AFG1L: variants seen among roughly 807,000 people sequenced by gnomAD.
AFG1L encodes AFG1 like ATPase, also known as AFG1-like ATPase.
In AFG1L, 53 loss-of-function variants were observed where a neutral mutation model predicts 62.2. The ratio of observed to expected loss-of-function variants is 0.85; its 90% CI spans 0.68 to 1.07. The LOEUF (loss-of-function observed/expected upper bound fraction) is 1.07, where lower values mean the gene tolerates loss of function less well. Among genes scored for constraint, AFG1L ranks in the 50% least tolerant of loss-of-function variants. The pLI, the probability that AFG1L is intolerant of heterozygous loss-of-function variation, is 0.00. For missense variants in AFG1L, 555 were observed against 590.5 expected (o/e 0.94, Z 0.62); for synonymous variants, 228 against 210.3 (o/e 1.08, Z -0.73).
At chr6:108,456,311 T>G (rs1258923670) in intron 8 of AFG1L, among the ~76,000 whole-genome samples, 1 of 152,130 alleles carries the variant, frequency 6.6e-6, no homozygotes, top group East Asian at 1.9e-4. Context: ...AGCCTATCTG[T>G]GTCTTTATAT....
At chr6:108,393,320 T>C (rs1028081599) in intron 6 of AFG1L, among the ~76,000 whole-genome samples, 3 of 152,116 alleles carry the variant, frequency 2.0e-5, no homozygotes, top group African/African-American at 7.2e-5. Flanking sequence ...AGCACGATAT[T>C]TGAATTACAA....
At chr6:108,471,464 T>C (rs1272011596) in intron 8 of AFG1L, among the ~76,000 whole-genome samples, 1 of 116,722 alleles carries the variant, frequency 8.6e-6, no homozygotes, top group East Asian at 2.6e-4. Context: ...ATCGTGTTCT[T>C]CTTCTTTTTT....
At chr6:108,374,724 G>A (rs1205534696) in intron 6 of AFG1L, among the ~76,000 whole-genome samples, 1 of 152,016 alleles carries the variant, frequency 6.6e-6, no homozygotes. Flanking sequence ...TGCTATTTTG[G>A]TTACCATAGC....
chr6:108,299,282 T>A lies in AFG1L; in HGVS notation c.139+4064T>A, dbSNP rs941224700. Among the ~76,000 whole-genome samples, 13 of 146,438 alleles carry A rather than the reference T, an allele frequency of 8.9e-5. No individual in the cohort carries two copies. In the South Asian group the frequency reaches 1.1e-3, roughly 12 times the overall value. On this transcript the variant is annotated intron_variant, in intron 1 of 12. Coordinates refer to ENST00000368977, the MANE Select transcript of AFG1L (RefSeq NM_145315.5). ...TCTCAAAAAAGAAAAAAAAAAAAAA[T>A]AAATTAACATACTTGGACATACTTG... is the stretch of plus-strand genomic sequence containing the variant.
In AFG1L at chr6:108,313,679, A is replaced by G. The variant is rs567300651; in HGVS notation, c.140-10146A>G. Among the ~76,000 whole-genome samples the G allele has an allele frequency of 5.7e-4, 86 of 152,186 alleles. 1 individual carries two copies. Among genetic ancestry groups the G allele is most frequent in the African/African-American group, 2.0e-3 (83 of 41,544 alleles). On this transcript the variant is annotated intron_variant, in intron 1 of 12. Transcript: ENST00000368977. ...TCTCAGTCTCCTGTGTAGCTGGTAC[A>G]AAGGTGTGCACCACCACACCTGGCT...
chr6:108,395,619 C>G (rs1463569550), intron 6 of AFG1L, among the ~76,000 whole-genome samples: 1 of 151,906 alleles, frequency 6.6e-6, no homozygotes, highest in Non-Finnish European at 1.5e-5. Flanking sequence ...CCAGGCTGGT[C>G]TCAAACTCCT....
At chr6:108,481,026 T>G (rs1401119028) in intron 10 of AFG1L, among the ~76,000 whole-genome samples, 1 of 152,188 alleles carries the variant, frequency 6.6e-6, no homozygotes, top group Non-Finnish European at 1.5e-5. Flanking sequence ...GCCCCTCTGC[T>G]CTTCTGAAGG....
intron 10 of AFG1L, among the ~76,000 whole-genome samples, chr6:108,488,367 A>C (rs776265781): frequency 6.6e-6 from 1 of 152,240 alleles, no homozygotes; most frequent in African/African-American, 2.4e-5. Context: ...CTACAGGATC[A>C]GTATGACCAG....
At chr6:108,379,363 C>T (rs1028707902) in intron 6 of AFG1L, among the ~76,000 whole-genome samples, 2 of 152,150 alleles carry the variant, frequency 1.3e-5, no homozygotes, top group African/African-American at 4.8e-5. Flanking sequence ...GTTTGTCTTA[C>T]AAGCCTGTAG....
At chr6:108,477,048 G>A in intron 9 of AFG1L, 113 bp downstream of exon 9, 1 of 1,060,108 alleles carries the variant, frequency 9.4e-7, no homozygotes, top group Non-Finnish European at 1.4e-6. Context: ...ACGCTCAAGT[G>A]GCAGTCATTG....
chr6:108,422,601 G>A (rs1327069471), intron 7 of AFG1L, among the ~76,000 whole-genome samples: 1 of 151,044 alleles, frequency 6.6e-6, no homozygotes, highest in African/African-American at 2.4e-5. Flanking sequence ...TATCAGAATA[G>A]CATCTCTAAG....
intron 11 of AFG1L, among the ~76,000 whole-genome samples, chr6:108,511,933 C>T (rs996357141): frequency 6.6e-5 from 10 of 152,144 alleles, no homozygotes; most frequent in African/African-American, 1.4e-4. Context: ...CCACAGAACT[C>T]GATGTAAAAT....
At chr6:108,353,877 G>T (rs1779171286) in intron 3 of AFG1L, among the ~76,000 whole-genome samples, 1 of 152,186 alleles carries the variant, frequency 6.6e-6, no homozygotes, top group Non-Finnish European at 1.5e-5. Context: ...TTGGTGGATT[G>T]TTTTTTCATA....
chr6:108,356,859 T>G (rs770191450), intron 5 of AFG1L, 39 bp downstream of exon 5: 1 of 1,530,480 alleles, frequency 6.5e-7, no homozygotes, highest in South Asian at 1.2e-5. Flanking sequence ...AATGGTATAT[T>G]GAATGAGGTA....
chr6:108,469,577 G>C (rs549728686), intron 8 of AFG1L, among the ~76,000 whole-genome samples: 1 of 152,162 alleles, frequency 6.6e-6, no homozygotes, highest in South Asian at 2.1e-4. Context: ...GGTGCAACAG[G>C]CAGGTCAGCA....
At chr6:108,492,537 G>C (rs1773816485) in intron 10 of AFG1L, among the ~76,000 whole-genome samples, 1 of 152,176 alleles carries the variant, frequency 6.6e-6, no homozygotes, top group Admixed American at 6.5e-5. Flanking sequence ...ATGTTCTGTA[G>C]TCTGGACAAT....
At position 108,523,324 on chromosome 6, in the gene AFG1L, C is replaced by T. The variant is rs370605043; in HGVS notation, c.*899C>T. The T allele has an allele frequency of 2.0e-5, 3 of 152,380 alleles. No individual in the cohort carries two copies. The highest frequency in any genetic ancestry group is 2.1e-4 in the South Asian group (1 of 4,836). The allele number at this position is 152,380 out of a possible 1,614,324, so 9.4% of individuals were successfully genotyped here. On this transcript the variant is annotated 3_prime_UTR_variant, in exon 13 of 13. Coordinates refer to ENST00000368977, the MANE Select transcript of AFG1L (RefSeq NM_145315.5). Reference sequence around the variant, plus strand: ...CAGCATGCTGCCCCCGCCCTTGCCGCCAACTCTGCCGTGAGATGGACCTAA... The same window carrying T: ...CAGCATGCTGCCCCCGCCCTTGCCGTCAACTCTGCCGTGAGATGGACCTAA...
intron 8 of AFG1L, among the ~76,000 whole-genome samples, chr6:108,473,854 C>A (rs187349394): frequency 9.9e-5 from 15 of 152,132 alleles, no homozygotes; most frequent in African/African-American, 3.6e-4. Flanking sequence ...CCACTATGCC[C>A]GGCCAGCTCA....
intron 6 of AFG1L, among the ~76,000 whole-genome samples, chr6:108,395,403 C>CTTTTTT (rs71551344): frequency 2.8e-3 from 338 of 122,822 alleles, no homozygotes; most frequent in Middle Eastern, 5.1e-3. Flanking sequence ...CTTTTCTTTT[C>CTTTTTT]TTTTTTTTTT....
Sources: allele counts gnomAD v4.1 joint callset (sites outside exome capture counted in the v4.1 genomes callset), GRCh38; gene constraint gnomAD v4.1.1; transcripts MANE v1.5; gene names NCBI Gene and HGNC (gene_info 2026-07-23, HGNC 2026-07-21).